GCNT2: variants seen among roughly 807,000 people sequenced by gnomAD.
GCNT2 encodes the protein N-acetyllactosaminide beta-1,6-N-acetylglucosaminyl-transferase.
In GCNT2, 34 loss-of-function variants were observed where a neutral mutation model predicts 34.2. That is an observed-to-expected ratio of 1.00 (90% CI 0.76 to 1.32). GCNT2 has a LOEUF of 1.32. Among genes scored for constraint, GCNT2 ranks in the 40% most tolerant of loss-of-function variants. The probability of loss-of-function intolerance (pLI) is 0.00; values close to 1 mark genes in which losing one functional copy is unlikely to be tolerated. For missense variants in GCNT2, 584 were observed against 489.4 expected (o/e 1.19, Z -1.82); for synonymous variants, 212 against 188.0 (o/e 1.13, Z -1.04).
chr6:10,527,726 T>C (rs1215802831), intron 2 of GCNT2, 66 bp downstream of exon 2: 2 of 152,258 alleles, frequency 1.3e-5, no homozygotes. Flanking sequence ...CATGCGTGTG[T>C]GTGAACGGAC....
intron 3 of GCNT2, among the ~76,000 whole-genome samples, chr6:10,597,355 A>G (rs563034720): frequency 2.0e-5 from 3 of 151,654 alleles, no homozygotes; most frequent in Non-Finnish European, 1.5e-5. Context: ...CGGTTTTGCC[A>G]TGTTGCCCAG....
chr6:10,555,692 C>G (rs1364217688), intron 3 of GCNT2: 12 of 981,112 alleles, frequency 1.2e-5, no homozygotes, highest in Middle Eastern at 5.2e-4. Flanking sequence ...ATTTCAGACC[C>G]CCTGGGACAG....
chr6:10,543,195 A>G (rs540911628), intron 3 of GCNT2, among the ~76,000 whole-genome samples: 1 of 151,352 alleles, frequency 6.6e-6, no homozygotes, highest in Admixed American at 6.6e-5. Flanking sequence ...GGAGTGAGCC[A>G]CCACGCCCGG....
At chr6:10,543,442 C>G (rs1178166040) in intron 3 of GCNT2, among the ~76,000 whole-genome samples, 4 of 152,170 alleles carry the variant, frequency 2.6e-5, no homozygotes, top group Non-Finnish European at 5.9e-5. Context: ...CCACCTGCCT[C>G]GGCCTCCCAA....
chr6:10,617,750 C>CTTTTTTTTTTTTTTTTTTTTTT (rs3064178), intron 3 of GCNT2, among the ~76,000 whole-genome samples: 2 of 101,696 alleles, frequency 2.0e-5, no homozygotes, highest in African/African-American at 1.0e-4. Context: ...TGCATTTCTT[C>CTTTTTTTTTTTTTTTTTTTTTT]TTTTTTTTTT....
chr6:10,564,582 A>G (rs1763193215), intron 3 of GCNT2, among the ~76,000 whole-genome samples: 1 of 152,194 alleles, frequency 6.6e-6, no homozygotes, highest in African/African-American at 2.4e-5. Flanking sequence ...TATGGCACAG[A>G]TGGCAGAAGC....
intron 3 of GCNT2, among the ~76,000 whole-genome samples, chr6:10,616,537 G>C (rs1765772646): frequency 6.6e-6 from 1 of 152,046 alleles, no homozygotes. Context: ...CTCCCCACTA[G>C]ATTAGCTAGA....
intron 3 of GCNT2, among the ~76,000 whole-genome samples, chr6:10,591,544 A>G (rs934869143): frequency 3.9e-5 from 6 of 152,230 alleles, no homozygotes; most frequent in African/African-American, 1.4e-4. Flanking sequence ...ACCTGGGCCC[A>G]TGATGCAGTC....
intron 3 of GCNT2, among the ~76,000 whole-genome samples, chr6:10,569,645 A>G (rs962617342): frequency 2.0e-5 from 3 of 152,234 alleles, no homozygotes; most frequent in African/African-American, 7.2e-5. Context: ...TGCTCCAGAC[A>G]GGCTGTTCTT....
chr6:10,625,178 A>G (rs1213534662), intron 4 of GCNT2, among the ~76,000 whole-genome samples: 1 of 151,680 alleles, frequency 6.6e-6, no homozygotes, highest in Non-Finnish European at 1.5e-5. Flanking sequence ...TCCCTTTCCC[A>G]CTCATCACAG....
intron 3 of GCNT2, among the ~76,000 whole-genome samples, chr6:10,540,410 T>G (rs987668502): frequency 6.6e-6 from 1 of 152,150 alleles, no homozygotes; most frequent in Non-Finnish European, 1.5e-5. Flanking sequence ...AGTTGAAAAG[T>G]CACGGCCTCA....
At position 10,536,790 on chromosome 6, in the gene GCNT2, G is replaced by A. The variant is rs189933540; in HGVS notation, c.925+6954G>A. Among the ~76,000 whole-genome samples, 831 of 146,630 alleles carry A rather than the reference G, an allele frequency of 5.7e-3. 9 individuals carry two copies. Among genetic ancestry groups the A allele is most frequent in the African/African-American group, 0.02 (795 of 39,126 alleles). ...GCAATCTCGGCTCACTGCAACCTCCGTTTCCTGGGTTCAAGTAATTCTCCT... is the reference window on the plus strand; with the variant it reads ...GCAATCTCGGCTCACTGCAACCTCCATTTCCTGGGTTCAAGTAATTCTCCT... On this transcript the variant is annotated intron_variant, in intron 3 of 4. Transcript: ENST00000495262.
chr6:10,549,955 A>G (rs1581391884), intron 3 of GCNT2, among the ~76,000 whole-genome samples: 1 of 152,186 alleles, frequency 6.6e-6, no homozygotes, highest in Admixed American at 6.5e-5. Context: ...ACTACCACCA[A>G]TTAGTTTTCC....
intron 3 of GCNT2, among the ~76,000 whole-genome samples, chr6:10,606,523 CAT>C (rs1283571610): frequency 6.6e-6 from 1 of 151,656 alleles, no homozygotes; most frequent in Non-Finnish European, 1.5e-5. Context: ...TTAGCAGAAA[CAT>C]ATGATAAAGC....
chr6:10,593,758 G>A (rs1764739560), intron 3 of GCNT2, among the ~76,000 whole-genome samples: 1 of 152,140 alleles, frequency 6.6e-6, no homozygotes, highest in Non-Finnish European at 1.5e-5. Context: ...ATAGTACAAT[G>A]ATCAATATAT....
chr6:10,563,444 T>C (rs1763104563), intron 3 of GCNT2, among the ~76,000 whole-genome samples: 1 of 152,076 alleles, frequency 6.6e-6, no homozygotes. Context: ...AAGTTTAAGA[T>C]GAAAATATGT....
chr6:10,625,923 ATGTGAATAAAAGTTC>A (rs1311564243), intron 4 of GCNT2, among the ~76,000 whole-genome samples: 2 of 152,270 alleles, frequency 1.3e-5, no homozygotes, highest in East Asian at 3.8e-4. Context: ...AATAAAAGTT[ATGTGAATAAAAGTTC>A]TGTGAATAAA....
intron 3 of GCNT2, 40 bp downstream of exon 3, chr6:10,529,876 C>CT (rs1761399397): frequency 7.0e-7 from 1 of 1,438,492 alleles, no homozygotes; most frequent in Non-Finnish European, 9.8e-7. Context: ...CGAATAAACA[C>CT]TGCATGGTCA....
Position 10,626,414 on chromosome 6 carries a change from C to T in GCNT2, c.1019-3C>T. ...ACTCTGTTTCTTGTTCTTTCTTTTG[C>T]AGGCCACTATGTACATGGTATTTGT... On this transcript the variant is annotated splice_polypyrimidine_tract_variant and splice_region_variant and intron_variant, in intron 4 of 4. Coordinates refer to ENST00000495262, the MANE Select transcript of GCNT2 (RefSeq NM_145649.5). The T allele has an allele frequency of 6.2e-7, 1 of 1,606,164 alleles. No individual in the cohort carries two copies. The highest frequency in any genetic ancestry group is 1.7e-4 in the Middle Eastern group (1 of 6,046).
Sources: allele counts gnomAD v4.1 joint callset (sites outside exome capture counted in the v4.1 genomes callset), GRCh38; gene constraint gnomAD v4.1.1; transcripts MANE v1.5; gene names NCBI Gene and HGNC (gene_info 2026-07-23, HGNC 2026-07-21).